Variants in CCDC178 observed in about 807,000 individuals in gnomAD.
CCDC178 encodes coiled-coil domain-containing protein 178.
CCDC178 carries 126 observed loss-of-function variants against 117.4 expected under a neutral mutation model. The observed-to-expected ratio is 1.07, with a 90% CI of 0.93 to 1.24. The LOEUF (loss-of-function observed/expected upper bound fraction) is 1.24. Among genes scored for constraint, CCDC178 ranks in the 50% most tolerant of loss-of-function variants. The pLI, the probability that CCDC178 is intolerant of heterozygous loss-of-function variation, is 0.00. For synonymous variants in CCDC178, 283 were observed against 313.4 expected (o/e 0.90, Z 1.02); for missense variants, 1,030 against 986.9 (o/e 1.04, Z -0.59).
At chr18:33,300,781 TATC>T (rs2062167132) in intron 11 of CCDC178, among the ~76,000 whole-genome samples, 1 of 152,222 alleles carries the variant, frequency 6.6e-6, no homozygotes, top group Non-Finnish European at 1.5e-5. Context: ...AATGACCTAT[TATC>T]ATATATGGGA....
chr18:33,247,691 G>C (rs2059567506), intron 14 of CCDC178, among the ~76,000 whole-genome samples: 1 of 151,846 alleles, frequency 6.6e-6, no homozygotes, highest in Non-Finnish European at 1.5e-5. Flanking sequence ...ATTTGTGCTT[G>C]TGTAAACTTT....
At chr18:33,175,268 C>T (rs751843149) in intron 20 of CCDC178, among the ~76,000 whole-genome samples, 5 of 152,152 alleles carry the variant, frequency 3.3e-5, no homozygotes, top group Non-Finnish European at 5.9e-5. Flanking sequence ...TTTGTCCCAA[C>T]CAATACCTTA....
chr18:33,428,615 C>A (rs569760877), intron 2 of CCDC178, among the ~76,000 whole-genome samples: 1 of 151,374 alleles, frequency 6.6e-6, no homozygotes, highest in Non-Finnish European at 1.5e-5. Flanking sequence ...GCCTGTAATC[C>A]CAGCTACTCG....
intron 21 of CCDC178, among the ~76,000 whole-genome samples, chr18:33,091,324 C>CTTTTTTTTTTTTCTTTTTTTT (rs2057460029): frequency 2.3e-5 from 1 of 43,882 alleles, no homozygotes; most frequent in Non-Finnish European, 4.1e-5. Context: ...TTATTTCATT[C>CTTTTTTTTTTTTCTTTTTTTT]TTTTTTTTTT....
chr18:33,369,612 T>A (rs745327426), intron 6 of CCDC178, among the ~76,000 whole-genome samples: 1 of 152,046 alleles, frequency 6.6e-6, no homozygotes, highest in Non-Finnish European at 1.5e-5. Context: ...TAAAAAGACA[T>A]AGAATCATTA....
chr18:33,327,616 T>C (rs1256663676), intron 10 of CCDC178, among the ~76,000 whole-genome samples: 1 of 152,216 alleles, frequency 6.6e-6, no homozygotes, highest in Non-Finnish European at 1.5e-5. Flanking sequence ...TCCTTGTTAC[T>C]TTCCATTTTA....
At chr18:33,204,663 T>C (rs2059028804) in intron 20 of CCDC178, among the ~76,000 whole-genome samples, 1 of 152,172 alleles carries the variant, frequency 6.6e-6, no homozygotes, top group Non-Finnish European at 1.5e-5. Flanking sequence ...AATTGCCTAC[T>C]GGAAAGAAAT....
intron 19 of CCDC178, among the ~76,000 whole-genome samples, chr18:33,213,376 C>T (rs138902810): frequency 6.6e-6 from 1 of 151,942 alleles, no homozygotes; most frequent in Non-Finnish European, 1.5e-5. Flanking sequence ...TTTCATCTAT[C>T]TTGCCCTGGT....
At chr18:33,299,509 A>ACACG (rs1291292093) in intron 11 of CCDC178, among the ~76,000 whole-genome samples, 3 of 151,272 alleles carry the variant, frequency 2.0e-5, no homozygotes, top group Admixed American at 6.6e-5. Context: ...ATAAACACAC[A>ACACG]CACACACACA....
chr18:33,384,692 T>A (rs1159787875), intron 5 of CCDC178, among the ~76,000 whole-genome samples: 1 of 152,178 alleles, frequency 6.6e-6, no homozygotes, highest in African/African-American at 2.4e-5. Flanking sequence ...CAGGTCTGCC[T>A]TGCAAGAGCT....
chr18:33,257,147 T>C (rs1202011325), intron 14 of CCDC178, among the ~76,000 whole-genome samples: 5 of 152,208 alleles, frequency 3.3e-5, no homozygotes, highest in South Asian at 2.1e-4. Flanking sequence ...GGTTTATTCC[T>C]CCAGTGACTA....
At chr18:32,954,814 A>G (rs1289153109) in intron 22 of CCDC178, among the ~76,000 whole-genome samples, 1 of 152,156 alleles carries the variant, frequency 6.6e-6, no homozygotes, top group Non-Finnish European at 1.5e-5. Flanking sequence ...AAAGGAGGGA[A>G]GAAAAGAATG....
chr18:32,956,882 A>C (rs1050003026), intron 22 of CCDC178: 3 of 152,214 alleles, frequency 2.0e-5, no homozygotes, highest in African/African-American at 7.2e-5. Flanking sequence ...TATAAGGCAA[A>C]GAAAAGATGA....
chr18:33,062,105 A>T (rs767423783), intron 21 of CCDC178, among the ~76,000 whole-genome samples: 35 of 152,220 alleles, frequency 2.3e-4, no homozygotes, highest in Non-Finnish European at 3.8e-4. Flanking sequence ...GTAAAGAAAT[A>T]TTTTTTTTAA....
At chr18:33,297,485 C>T (rs1044456148) in intron 11 of CCDC178, among the ~76,000 whole-genome samples, 6 of 151,940 alleles carry the variant, frequency 3.9e-5, no homozygotes, top group South Asian at 2.1e-4. Context: ...AAATGAAAAA[C>T]GAGTTATCAC....
Position 33,091,324 on chromosome 18 carries a change from C to CTTTTTTTTTTTTTTTTTTTTTTT in CCDC178, c.2388+1414_2388+1436dup, listed in dbSNP as rs746505005. On this transcript the variant is annotated intron_variant, in intron 21 of 22. Coordinates refer to ENST00000383096, the MANE Select transcript of CCDC178 (RefSeq NM_001105528.4). ...CTTTCCCAAACACACTTATTTCATT[C>CTTTTTTTTTTTTTTTTTTTTTTT]TTTTTTTTTTTTTTTTTTTTTTTTT... Among the ~76,000 whole-genome samples, 29 of 43,898 alleles carry CTTTTTTTTTTTTTTTTTTTTTTT rather than the reference C, an allele frequency of 6.6e-4. 12 individuals are homozygous for CTTTTTTTTTTTTTTTTTTTTTTT. Among genetic ancestry groups the CTTTTTTTTTTTTTTTTTTTTTTT allele is most frequent in the East Asian group, 1.6e-3 (2 of 1,226 alleles). 28.8% of individuals were successfully genotyped at this position (43,898 alleles called of 152,430 possible). A position where few individuals can be genotyped will look rare whatever the true frequency, so the allele number is the denominator to read the frequency against.
At chr18:33,257,333 C>T (rs185675299) in intron 14 of CCDC178, among the ~76,000 whole-genome samples, 3 of 152,200 alleles carry the variant, frequency 2.0e-5, no homozygotes, top group South Asian at 2.1e-4. Context: ...TTTCTTCCTT[C>T]GGCCTTTGCT....
chr18:32,980,897 A>T (rs2055142086), intron 21 of CCDC178, among the ~76,000 whole-genome samples: 1 of 152,212 alleles, frequency 6.6e-6, no homozygotes, highest in East Asian at 1.9e-4. Flanking sequence ...TCGTATTGAA[A>T]ATGAAGTTGT....
chr18:32,974,552 C>G lies in CCDC178; in HGVS notation c.2518G>C (p.Val840Leu), dbSNP rs780429501. The G allele has an allele frequency of 6.2e-7, 1 of 1,613,324 alleles. No individual in the cohort carries two copies. The highest frequency in any genetic ancestry group is 1.1e-5 in the South Asian group (1 of 91,066). The change falls in exon 22 of 23, where the codon GTG (valine) becomes CTG (leucine). Residue 840 changes from valine to leucine, a missense_variant. Transcript: ENST00000383096. ...ACTTCCCTGCAATCACCTACCTGCA[C>G]AGCTAATATTTTCTGAATACTCTCC... ...SQESIQKILA[V>L]QEESSNLMQH...
Sources: gnomAD v4.1 joint callset for allele counts (sites outside exome capture counted in the v4.1 genomes callset) on GRCh38, gnomAD v4.1.1 for gene constraint, MANE v1.5 for transcripts, NCBI Gene and HGNC (gene_info 2026-07-23, HGNC 2026-07-21) for gene names.